Variants in MAST2 observed in about 807,000 individuals in gnomAD.
MAST2 encodes the protein microtubule-associated serine/threonine-protein kinase 2.
Under a neutral mutation model 147.4 loss-of-function variants are expected in MAST2, and 70 were observed. The observed-to-expected ratio is 0.47, with a 90% CI of 0.39 to 0.58. The LOEUF (loss-of-function observed/expected upper bound fraction) is 0.58, where lower values mean the gene tolerates loss of function less well. Among genes scored for constraint, MAST2 ranks in the 20% least tolerant of loss-of-function variants. MAST2 has a pLI of 0.00. For missense variants in MAST2, 2,080 were observed against 2,302.3 expected (o/e 0.90, Z 1.98); for synonymous variants, 869 against 896.8 (o/e 0.97, Z 0.55).
intron 4 of MAST2, among the ~76,000 whole-genome samples, chr1:45,902,458 C>T (rs2148495182): frequency 6.6e-6 from 1 of 151,920 alleles, no homozygotes; most frequent in South Asian, 2.1e-4. Context: ...TTGTGTCCTT[C>T]TCAGATTTTG....
At chr1:46,003,747 G>A (rs756507226) in intron 7 of MAST2, among the ~76,000 whole-genome samples, 2 of 152,154 alleles carry the variant, frequency 1.3e-5, no homozygotes, top group Non-Finnish European at 2.9e-5. Context: ...GATTACAGGC[G>A]TGAACTGCCA....
chr1:46,036,026 A>C lies in MAST2; in HGVS notation c.5357A>C (p.Asp1786Ala). Reference sequence around the variant, plus strand: ...CCAGGGGGCCATCAAAAGCATCGGGATTTGGCATTGGTTCCAGATGAGCTT... The same window carrying C: ...CCAGGGGGCCATCAAAAGCATCGGGCTTTGGCATTGGTTCCAGATGAGCTT... ...QEPGGHQKHR[D>A]LALVPDELLK... The change falls in exon 29 of 29, where the codon GAT becomes GCT. Residue 1786 changes from aspartate to alanine, a missense_variant. Transcript: ENST00000361297. 2 of 1,612,970 alleles carry C rather than the reference A, an allele frequency of 1.2e-6. No individual in the cohort carries two copies. Among genetic ancestry groups the C allele is most frequent in the Non-Finnish European group, 1.7e-6 (2 of 1,179,720 alleles).
intron 3 of MAST2, among the ~76,000 whole-genome samples, chr1:45,866,789 T>C (rs1475317396): frequency 6.6e-6 from 1 of 152,054 alleles, no homozygotes; most frequent in Non-Finnish European, 1.5e-5. Flanking sequence ...TCACCCAGGC[T>C]GGAGGTGCAG....
chr1:45,929,969 G>A (rs1476001912), intron 4 of MAST2, among the ~76,000 whole-genome samples: 1 of 152,052 alleles, frequency 6.6e-6, no homozygotes, highest in Non-Finnish European at 1.5e-5. Flanking sequence ...ATGTCTATTT[G>A]CACACAGCCT....
intron 1 of MAST2, among the ~76,000 whole-genome samples, chr1:45,809,267 C>A (rs1469550841): frequency 6.6e-6 from 1 of 152,158 alleles, no homozygotes; most frequent in African/African-American, 2.4e-5. Flanking sequence ...TTTAATTAGT[C>A]ATCAGTTTGA....
chr1:45,867,154 T>G (rs1175192626), intron 3 of MAST2, among the ~76,000 whole-genome samples: 1 of 152,206 alleles, frequency 6.6e-6, no homozygotes, highest in Non-Finnish European at 1.5e-5. Flanking sequence ...CAGTTTAGAT[T>G]ATTTGTTTTA....
At chr1:45,815,812 C>G (rs1257949820) in intron 1 of MAST2, among the ~76,000 whole-genome samples, 5 of 152,178 alleles carry the variant, frequency 3.3e-5, no homozygotes, top group Non-Finnish European at 7.3e-5. Flanking sequence ...ATGGATTAAT[C>G]ACTTCCACTC....
intron 3 of MAST2, chr1:45,847,423 C>G: frequency 1.8e-6 from 1 of 554,382 alleles, no homozygotes. Context: ...TGGGGGGGAT[C>G]AAGATGATTT....
In MAST2 at chr1:46,035,538, C is replaced by G; in HGVS notation, c.4869C>G (p.His1623Gln). ...PEGCWKAQHLHTQALTALSPS... is the reference protein window; with the variant it reads ...PEGCWKAQHLQTQALTALSPS... ...GTTGCTGGAAGGCCCAGCACCTCCA[C>G]ACCCAGGCACTAACAGCACTTTCTC... The change falls in exon 29 of 29, where the codon CAC (histidine) becomes CAG (glutamine). Residue 1623 changes from histidine to glutamine, a missense_variant. Coordinates refer to ENST00000361297, the MANE Select transcript of MAST2 (RefSeq NM_015112.3). This position sits in a 1 kb window ranked among gnomAD's most constrained non-coding sequence, Gnocchi z 5.5. 6.2e-7 allele frequency: 1 copy of G among 1,613,472 alleles called. No homozygotes were observed. Among genetic ancestry groups the G allele is most frequent in the South Asian group, 1.1e-5 (1 of 91,078 alleles).
At chr1:45,869,286 G>C (rs1220327008) in intron 3 of MAST2, among the ~76,000 whole-genome samples, 3 of 152,182 alleles carry the variant, frequency 2.0e-5, no homozygotes, top group Admixed American at 1.3e-4. Context: ...GATCTTTAGA[G>C]TTCCTTGGCT....
intron 5 of MAST2, among the ~76,000 whole-genome samples, chr1:45,992,299 T>C (rs1050886726): frequency 3.3e-5 from 5 of 152,226 alleles, no homozygotes; most frequent in Non-Finnish European, 5.9e-5. Flanking sequence ...TCAGTTGATG[T>C]GACCATATGA....
intron 5 of MAST2, among the ~76,000 whole-genome samples, chr1:45,993,125 G>A (rs984269936): frequency 6.6e-6 from 1 of 151,642 alleles, no homozygotes; most frequent in Non-Finnish European, 1.5e-5. Flanking sequence ...TTATTTAATA[G>A]TAATAATATT....
At chr1:46,022,818 C>G (rs1020644577) in intron 12 of MAST2, 92 bp from the exon 13 acceptor site, 69 of 923,138 alleles carry the variant, frequency 7.5e-5, no homozygotes, top group Non-Finnish European at 1.1e-4. Context: ...GCATTAATGA[C>G]TACCCTACAT....
chr1:45,967,198 C>T lies in MAST2; in HGVS notation c.592+7721C>T, dbSNP rs775395163. Among the ~76,000 whole-genome samples, 49 of 151,952 alleles carry T rather than the reference C, an allele frequency of 3.2e-4. 1 individual carries two copies. In the Middle Eastern group the frequency reaches 0.034, roughly 105 times the overall value. ...AAGCGATTCTCCTGCCTCATCCTCC[C>T]GAGTAGCTGGGACTACAGGTGTGTG... On this transcript the variant is annotated intron_variant, in intron 5 of 28. Coordinates refer to ENST00000361297, the MANE Select transcript of MAST2 (RefSeq NM_015112.3).
chr1:45,927,567 G>GGCTC (rs1215277248), intron 4 of MAST2, among the ~76,000 whole-genome samples: 7 of 152,162 alleles, frequency 4.6e-5, no homozygotes, highest in African/African-American at 1.7e-4. Context: ...TGTTCTGCCT[G>GGCTC]ACTCACCGGC....
At chr1:45,953,309 C>G (rs981295630) in intron 4 of MAST2, among the ~76,000 whole-genome samples, 2 of 152,072 alleles carry the variant, frequency 1.3e-5, no homozygotes, top group African/African-American at 4.8e-5. Context: ...AGACTTTTCT[C>G]CTAGTTCCTC....
At chr1:45,907,710 G>A (rs938883079) in intron 4 of MAST2, among the ~76,000 whole-genome samples, 1 of 152,140 alleles carries the variant, frequency 6.6e-6, no homozygotes. Context: ...TGCCCATTAA[G>A]CAGTAACACC....
At chr1:45,891,427 C>T (rs1001107380) in intron 4 of MAST2, among the ~76,000 whole-genome samples, 7 of 151,972 alleles carry the variant, frequency 4.6e-5, no homozygotes, top group Non-Finnish European at 7.4e-5. Context: ...TGCAGTGAGC[C>T]GTGATTGTGC....
chr1:45,942,543 G>A (rs1657453144), intron 4 of MAST2, among the ~76,000 whole-genome samples: 1 of 152,020 alleles, frequency 6.6e-6, no homozygotes, highest in Non-Finnish European at 1.5e-5. Context: ...TTAGGTTTGG[G>A]GTACATATGC....
Sources: allele counts gnomAD v4.1 joint callset (sites outside exome capture counted in the v4.1 genomes callset), GRCh38; gene constraint gnomAD v4.1.1; non-coding constraint Gnocchi (gnomAD v3.1); transcripts MANE v1.5; gene names NCBI Gene and HGNC (gene_info 2026-07-23, HGNC 2026-07-21).